Variants in SBF2 observed in about 807,000 individuals in gnomAD.
The protein encoded by SBF2 is myotubularin-related protein 13.
In SBF2, 112 loss-of-function variants were observed where a neutral mutation model predicts 225.2. That is an observed-to-expected ratio of 0.50 (90% CI 0.43 to 0.58). SBF2 has a LOEUF of 0.58. Among genes scored for constraint, SBF2 ranks in the 20% least tolerant of loss-of-function variants. The pLI is 0.00. For synonymous variants in SBF2, 763 were observed against 773.3 expected, an observed-to-expected ratio of 0.99 and a Z score of 0.22; for missense variants, 1,996 against 2,206.2, an observed-to-expected ratio of 0.90 and a Z score of 1.91.
At chr11:10,105,288 G>A (rs918095726) in intron 2 of SBF2, among the ~76,000 whole-genome samples, 1 of 152,126 alleles carries the variant, frequency 6.6e-6, no homozygotes, top group African/African-American at 2.4e-5. Flanking sequence ...CATAACTAAG[G>A]GAACAAATAT....
rs147201785 is a variant in SBF2 at position 10,067,167 on chromosome 11, C to G, written c.142-24186G>C. Among the ~76,000 whole-genome samples the G allele has an allele frequency of 2.7e-3, 418 of 152,116 alleles. 3 individuals carry two copies. The highest frequency in any genetic ancestry group is 9.5e-3 in the African/African-American group (394 of 41,504). On this transcript the variant is annotated intron_variant, in intron 2 of 39. Transcript: ENST00000256190. ...ACATATGTCAAAAGATGTGAAAGAG[C>G]TGGACAATGAAAATTACAAAACACT...
intron 28 of SBF2, chr11:9,828,716 C>A: frequency 1.2e-6 from 1 of 834,642 alleles, no homozygotes; most frequent in Non-Finnish European, 1.4e-6. Context: ...TAATAGGCTG[C>A]AGATATTTTG....
chr11:9,915,694 T>G (rs1261748847), intron 16 of SBF2: 1 of 152,102 alleles, frequency 6.6e-6, no homozygotes, highest in Non-Finnish European at 1.5e-5. Flanking sequence ...GTTAGTAGGT[T>G]GACCAAATAA....
intron 1 of SBF2, among the ~76,000 whole-genome samples, chr11:10,279,338 G>A (rs914460070): frequency 2.0e-5 from 3 of 151,164 alleles, no homozygotes; most frequent in Non-Finnish European, 4.4e-5. Context: ...GCTTGAACCC[G>A]GGAGACGGAG....
At chr11:9,808,686 G>T (rs1411836491) in intron 31 of SBF2, 2 of 482,970 alleles carry the variant, frequency 4.1e-6, no homozygotes, top group Non-Finnish European at 7.6e-6. Context: ...CTGTGGATGG[G>T]AGAGCTTGAT....
chr11:9,834,073 G>GT (rs1336763476), intron 26 of SBF2, among the ~76,000 whole-genome samples: 11 of 151,396 alleles, frequency 7.3e-5, no homozygotes, highest in African/African-American at 2.4e-4. Context: ...CCGGCCCATG[G>GT]TATCTTTTTA....
At chr11:10,216,981 A>G (rs1246361940) in intron 1 of SBF2, among the ~76,000 whole-genome samples, 1 of 152,242 alleles carries the variant, frequency 6.6e-6, no homozygotes, top group Admixed American at 6.5e-5. Context: ...CTTTTAAAAA[A>G]TCATAAATAA....
At chr11:9,985,305 T>C (rs1387811916) in intron 13 of SBF2, among the ~76,000 whole-genome samples, 1 of 152,058 alleles carries the variant, frequency 6.6e-6, no homozygotes, top group Non-Finnish European at 1.5e-5. Flanking sequence ...GGGGTAGCTA[T>C]TCTTTTTAGT....
At chr11:9,849,395 T>C (rs1856768828) in intron 22 of SBF2, among the ~76,000 whole-genome samples, 1 of 152,262 alleles carries the variant, frequency 6.6e-6, no homozygotes, top group South Asian at 2.1e-4. Context: ...AAGAGCATTT[T>C]ACATATAGAC....
At chr11:9,895,384 T>C (rs1052986423) in intron 17 of SBF2, among the ~76,000 whole-genome samples, 2 of 152,202 alleles carry the variant, frequency 1.3e-5, no homozygotes, top group Non-Finnish European at 2.9e-5. Context: ...GGAAAAGAAA[T>C]TTGCTGGTTT....
At chr11:9,894,843 G>A (rs1446738619) in intron 17 of SBF2, among the ~76,000 whole-genome samples, 3 of 152,060 alleles carry the variant, frequency 2.0e-5, no homozygotes, top group Non-Finnish European at 4.4e-5. Flanking sequence ...TCAGCCAAGT[G>A]TGGTGGTACA....
At chr11:10,297,852 T>C (rs1964562471), upstream of SBF2, among the ~76,000 whole-genome samples, 1 of 152,256 alleles carries the variant, frequency 6.6e-6, no homozygotes, top group African/African-American at 2.4e-5. Flanking sequence ...AGCTGTGCTT[T>C]GCTTCTCAGC....
rs1206498838 is a variant in SBF2, at chr11:9,808,012, G to A, written c.4431C>T (p.Asp1477=). 1.9e-6 allele frequency: 3 copies of A among 1,614,084 alleles called. No homozygotes were observed. ...GFAPVFLQFL[D]CVHQVHNQYP... ...TTGCTCTACTTACCTGGTGTACACA[G>A]TCTAAGAACTGTAAGAAGACTGGAG... The change falls in exon 32 of 40, where the codon GAC becomes GAT. Residue 1477 remains aspartate (D), a synonymous_variant. Coordinates refer to ENST00000256190, the MANE Select transcript of SBF2 (RefSeq NM_030962.4).
rs1852464645 is a variant in SBF2, at chr11:9,787,693, A to T, written c.4978T>A (p.Trp1660Arg). The T allele has an allele frequency of 6.2e-7, 1 of 1,614,036 alleles. No homozygotes were observed. ...GTTACCCTTTCCCACAGCTGCTGCCACTTCTCAGGGGCTTGGTTCAATTTG... is the reference window on the plus strand; with the variant it reads ...GTTACCCTTTCCCACAGCTGCTGCCTCTTCTCAGGGGCTTGGTTCAATTTG... ...EHKLNQAPEK[W>R]QQLWERVTVD... Residue 1660 changes from tryptophan (W) to arginine (R), a missense_variant, in exon 36 of 40, where the codon TGG becomes AGG. Trp to Arg is a moderately radical substitution (Grantham distance 101). Coordinates refer to ENST00000256190, the MANE Select transcript of SBF2 (RefSeq NM_030962.4).
rs76563695 is a variant in SBF2, at chr11:9,797,518, G to A, written c.4444-1561C>T. 8.2e-3 allele frequency among the ~76,000 whole-genome samples: 1,249 copies of A among 152,342 alleles called. 16 individuals are homozygous for A. The highest frequency in any genetic ancestry group is 0.028 in the African/African-American group (1,178 of 41,576). On this transcript the variant is annotated intron_variant, in intron 32 of 39. Coordinates refer to ENST00000256190, the MANE Select transcript of SBF2 (RefSeq NM_030962.4). ...TGCATCAGATCTCCACAGGACAGCA[G>A]AGCTTTCCATGGGACATGGCTCTGA... is the stretch of plus-strand genomic sequence containing the variant.
intron 13 of SBF2, among the ~76,000 whole-genome samples, chr11:9,969,840 T>C (rs892156225): frequency 6.6e-6 from 1 of 152,246 alleles, no homozygotes; most frequent in Non-Finnish European, 1.5e-5. Flanking sequence ...GACGTATACC[T>C]ACTGCATCTA....
chr11:9,874,522 T>C (rs529266518), intron 17 of SBF2, among the ~76,000 whole-genome samples: 1 of 152,362 alleles, frequency 6.6e-6, no homozygotes, highest in African/African-American at 2.4e-5. Context: ...CTTAAGACTC[T>C]TGTCAATGAC....
At chr11:9,907,770 T>C (rs1862225415) in intron 16 of SBF2, among the ~76,000 whole-genome samples, 1 of 152,252 alleles carries the variant, frequency 6.6e-6, no homozygotes, top group South Asian at 2.1e-4. Flanking sequence ...AATAATTAGT[T>C]AGCACTTATT....
intron 2 of SBF2, among the ~76,000 whole-genome samples, chr11:10,074,937 G>T (rs73410898): frequency 0.011 from 1,632 of 152,300 alleles, 32 homozygotes; most frequent in African/African-American, 0.037. Flanking sequence ...TAGTTTAAAA[G>T]TTACAGAAAA....
Sources: allele counts gnomAD v4.1 joint callset (sites outside exome capture counted in the v4.1 genomes callset), GRCh38; gene constraint gnomAD v4.1.1; transcripts MANE v1.5; gene names NCBI Gene and HGNC (gene_info 2026-07-23, HGNC 2026-07-21).